The following PRIM2 variants were observed in gnomAD, a reference collection of about 807,000 sequenced individuals.
PRIM2 encodes DNA primase large subunit.
In PRIM2, 39 loss-of-function variants were observed where a neutral mutation model predicts 67.3. The ratio of observed to expected loss-of-function variants is 0.58; its 90% CI spans 0.45 to 0.76. The LOEUF (loss-of-function observed/expected upper bound fraction) is 0.76, where lower values mean the gene tolerates loss of function less well. Ranked by LOEUF, PRIM2 falls within the 30% of genes least tolerant of loss-of-function variation. The probability of loss-of-function intolerance (pLI) is 0.00; values close to 1 mark genes in which losing one functional copy is unlikely to be tolerated. For synonymous variants in PRIM2, 143 were observed against 198.7 expected, an observed-to-expected ratio of 0.72 and a Z score of 2.36; for missense variants, 398 against 598.7, an observed-to-expected ratio of 0.66 and a Z score of 3.50.
intron 5 of PRIM2, among the ~76,000 whole-genome samples, chr6:57,360,675 A>G (rs559881831): frequency 1.6e-3 from 245 of 152,324 alleles, no homozygotes; most frequent in African/African-American, 4.7e-3. Flanking sequence ...CTTAAGCTGT[A>G]TCACTTTTGG....
At chr6:57,626,993 AAG>A in intron 12 of PRIM2, among the ~76,000 whole-genome samples, 1 of 151,954 alleles carries the variant, frequency 6.6e-6, no homozygotes, top group African/African-American at 2.4e-5. Context: ...GTTAAAAATA[AAG>A]AGAGGCCAGG....
At chr6:57,282,682 C>T in the PRIM2 span, among the ~76,000 whole-genome samples, 68 of 152,296 alleles carry the variant, frequency 4.5e-4, no homozygotes, top group African/African-American at 1.5e-3. Context: ...AGGACTCAGA[C>T]ACACACAGTT....
intron 8 of PRIM2, among the ~76,000 whole-genome samples, chr6:57,524,005 T>G (rs1554349137): frequency 6.6e-6 from 1 of 151,998 alleles, no homozygotes; most frequent in Non-Finnish European, 1.5e-5. Flanking sequence ...GTATTTTTGC[T>G]CTGTACATTA....
intron 7 of PRIM2, among the ~76,000 whole-genome samples, chr6:57,507,028 T>C (rs1412837120): frequency 3.3e-5 from 5 of 152,186 alleles, no homozygotes; most frequent in Non-Finnish European, 7.3e-5. Flanking sequence ...ACAAGATTGG[T>C]TATTATACAA....
chr6:57,539,270 T>C (rs1443201256), intron 10 of PRIM2, among the ~76,000 whole-genome samples: 4 of 152,162 alleles, frequency 2.6e-5, no homozygotes, highest in Admixed American at 6.5e-5. Flanking sequence ...ACTGTCAACA[T>C]TGAAGCCTTT....
At chr6:57,450,610 T>C (rs1772510846) in intron 7 of PRIM2, among the ~76,000 whole-genome samples, 1 of 152,246 alleles carries the variant, frequency 6.6e-6, no homozygotes, top group East Asian at 1.9e-4. Flanking sequence ...AATATCTATT[T>C]GGGTTTTAGA....
intron 7 of PRIM2, among the ~76,000 whole-genome samples, chr6:57,430,132 A>AT (rs1771768601): frequency 1.4e-4 from 22 of 152,148 alleles, no homozygotes; most frequent in African/African-American, 5.3e-4. Context: ...TTCAGTCACA[A>AT]TCAAATAGCC....
chr6:57,337,156 C>G (rs553682502), intron 5 of PRIM2, among the ~76,000 whole-genome samples: 1 of 152,284 alleles, frequency 6.6e-6, no homozygotes, highest in Admixed American at 6.5e-5. Context: ...ATAAGAAGAG[C>G]TAACTATCCT....
the PRIM2 span, among the ~76,000 whole-genome samples, chr6:57,290,050 G>A: frequency 1.3e-5 from 2 of 151,430 alleles, no homozygotes; most frequent in Non-Finnish European, 2.9e-5. Context: ...CTGTATTCAG[G>A]AGACCCGTCT....
At chr6:57,225,917 G>GA in the PRIM2 span, among the ~76,000 whole-genome samples, 2 of 151,902 alleles carry the variant, frequency 1.3e-5, no homozygotes, top group Non-Finnish European at 2.9e-5. Flanking sequence ...GATCATGCTG[G>GA]AAAAAAAATT....
the PRIM2 span, among the ~76,000 whole-genome samples, chr6:57,274,168 A>T: frequency 8.1e-4 from 115 of 142,576 alleles, no homozygotes; most frequent in Non-Finnish European, 9.7e-4. Context: ...AGACAGGGAC[A>T]TTTATGTCTG....
chr6:57,575,277 T>A (rs1332143892), intron 10 of PRIM2, among the ~76,000 whole-genome samples: 4 of 152,228 alleles, frequency 2.6e-5, no homozygotes, highest in Non-Finnish European at 5.9e-5. Context: ...ATAAATAAGA[T>A]AGTAATTTCT....
intron 10 of PRIM2, among the ~76,000 whole-genome samples, chr6:57,544,850 A>G (rs1775252774): frequency 6.6e-6 from 1 of 152,234 alleles, no homozygotes; most frequent in African/African-American, 2.4e-5. Context: ...GAATAAACTA[A>G]TACATGGAAA....
chr6:57,311,898 G>A (rs183650001), upstream of PRIM2, among the ~76,000 whole-genome samples: 1,545 of 151,994 alleles, frequency 0.01, 12 homozygotes, highest in Non-Finnish European at 0.015. Context: ...GTGGCGGCGC[G>A]TGCCTGGCAG....
At chr6:57,364,344 C>A (rs1021194085) in intron 5 of PRIM2, among the ~76,000 whole-genome samples, 1 of 152,106 alleles carries the variant, frequency 6.6e-6, no homozygotes, top group African/African-American at 2.4e-5. Flanking sequence ...GGTGAATGTG[C>A]TCTCCTCTGA....
At chr6:57,368,718 T>C (rs1769449620) in intron 5 of PRIM2, among the ~76,000 whole-genome samples, 1 of 152,192 alleles carries the variant, frequency 6.6e-6, no homozygotes, top group Non-Finnish European at 1.5e-5. Context: ...AATATACATA[T>C]ATTGGAAGTA....
chr6:57,619,497 A>G (rs1336455657), intron 12 of PRIM2, among the ~76,000 whole-genome samples: 1 of 152,252 alleles, frequency 6.6e-6, no homozygotes, highest in African/African-American at 2.4e-5. Flanking sequence ...GCAAAGCCCA[A>G]TGCAAGGAAA....
intron 10 of PRIM2, among the ~76,000 whole-genome samples, chr6:57,555,744 A>G (rs1375136926): frequency 1.3e-5 from 2 of 152,176 alleles, no homozygotes; most frequent in Non-Finnish European, 2.9e-5. Context: ...GGGCCATACC[A>G]CAAACACTAG....
chr6:57,371,528 G>C (rs1581836889), intron 5 of PRIM2, among the ~76,000 whole-genome samples: 1 of 152,134 alleles, frequency 6.6e-6, no homozygotes, highest in Middle Eastern at 3.2e-3. Context: ...TTCAATTTCA[G>C]TTTTGCCAGA....
Sources: allele counts gnomAD v4.1 joint callset (sites outside exome capture counted in the v4.1 genomes callset), GRCh38; gene constraint gnomAD v4.1.1; transcripts MANE v1.5; gene names NCBI Gene and HGNC (gene_info 2026-07-23, HGNC 2026-07-21).